FOXN3: variants seen among roughly 807,000 people sequenced by gnomAD.
FOXN3 encodes forkhead box protein N3.
Under a neutral mutation model 38.4 loss-of-function variants are expected in FOXN3, and 7 were observed. The observed-to-expected ratio is 0.18, with a 90% CI of 0.10 to 0.34. The LOEUF (loss-of-function observed/expected upper bound fraction) is 0.34. FOXN3 is among the 10% of genes least tolerant of loss of function. The pLI is 1.00. For synonymous variants in FOXN3, 230 were observed against 242.2 expected (o/e 0.95, Z 0.47); for missense variants, 456 against 613.4 (o/e 0.74, Z 2.71).
chr14:89,288,724 C>CTCTCTACA (rs1886755787), intron 3 of FOXN3, among the ~76,000 whole-genome samples: 1 of 42,780 alleles, frequency 2.3e-5, no homozygotes, highest in Non-Finnish European at 3.9e-5. Flanking sequence ...CTCTCTCTCT[C>CTCTCTACA]TATATATATA....
chr14:89,156,249 T>C lies in FOXN3; in HGVS notation c.*6165A>G, dbSNP rs1356675504. On this transcript the variant is annotated 3_prime_UTR_variant, in exon 6 of 6. Coordinates refer to ENST00000557258, the MANE Select transcript of FOXN3 (RefSeq NM_005197.4). ...ACAATACATCACAGAAACTTTATGG[T>C]AGGTCTGGGGAAAAGTGTTATTTAC... The C allele has an allele frequency of 6.6e-6, 1 of 152,654 alleles. No individual in the cohort carries two copies. Among genetic ancestry groups the C allele is most frequent in the Non-Finnish European group, 1.5e-5 (1 of 68,044 alleles). The allele number at this position is 152,654 out of a possible 1,614,324, so 9.5% of individuals were successfully genotyped here.
At chr14:89,390,088 T>C (rs1890896662) in intron 2 of FOXN3, among the ~76,000 whole-genome samples, 1 of 151,488 alleles carries the variant, frequency 6.6e-6, no homozygotes, top group African/African-American at 2.4e-5. Context: ...TAGCCAGGCA[T>C]AGTGACACAA....
intron 1 of FOXN3, among the ~76,000 whole-genome samples, chr14:89,615,920 T>C (rs776812801): frequency 6.6e-6 from 1 of 152,172 alleles, no homozygotes; most frequent in African/African-American, 2.4e-5. Context: ...ATAAGGGAAA[T>C]TTGCTGCTTT....
intron 1 of FOXN3, among the ~76,000 whole-genome samples, chr14:89,502,366 T>A (rs754776466): frequency 1.6e-4 from 24 of 152,102 alleles, no homozygotes; most frequent in South Asian, 2.1e-4. Flanking sequence ...TATTTTATTT[T>A]AAAAAAAATA....
chr14:89,396,490 T>TGG (rs1891101960), intron 2 of FOXN3, among the ~76,000 whole-genome samples: 1 of 152,176 alleles, frequency 6.6e-6, no homozygotes, highest in East Asian at 1.9e-4. Flanking sequence ...CAGAGTATGA[T>TGG]GGGGACCACA....
chr14:89,595,798 C>T (rs534144212), intron 1 of FOXN3, among the ~76,000 whole-genome samples: 3 of 152,270 alleles, frequency 2.0e-5, no homozygotes, highest in Non-Finnish European at 2.9e-5. Flanking sequence ...CAACATTTCA[C>T]GCATTAAGTA....
intron 3 of FOXN3, among the ~76,000 whole-genome samples, chr14:89,301,739 G>T (rs928907585): frequency 6.6e-6 from 1 of 152,100 alleles, no homozygotes; most frequent in Non-Finnish European, 1.5e-5. Context: ...CTGCACTCCA[G>T]CCTGGGCTAC....
chr14:89,345,487 C>T (rs1333425941), intron 3 of FOXN3, among the ~76,000 whole-genome samples: 1 of 152,060 alleles, frequency 6.6e-6, no homozygotes, highest in Admixed American at 6.6e-5. Flanking sequence ...TGGTATACTA[C>T]TATTTTTTTA....
At chr14:89,257,160 T>A (rs184161084) in intron 4 of FOXN3, among the ~76,000 whole-genome samples, 31 of 152,056 alleles carry the variant, frequency 2.0e-4, no homozygotes, top group Non-Finnish European at 3.8e-4. Context: ...CATCAACAAC[T>A]CATATGGACA....
intron 2 of FOXN3, among the ~76,000 whole-genome samples, chr14:89,381,676 T>C (rs988301800): frequency 1.3e-5 from 2 of 151,230 alleles, no homozygotes; most frequent in Non-Finnish European, 2.9e-5. Context: ...CTGTGCAACA[T>C]AGAAGACCCC....
chr14:89,600,080 A>G lies in FOXN3; in HGVS notation c.-15+18948T>C, dbSNP rs114973290. ...CCCTGATGGCTCTCCAATTTTTCCA[A>G]ACTGACTTTTTTTCTTTTTAATTTT... On this transcript the variant is annotated intron_variant, in intron 1 of 6. Coordinates refer to the FOXN3 transcript ENST00000345097. 9.1e-3 allele frequency among the ~76,000 whole-genome samples: 1,392 copies of G among 152,258 alleles called. 16 individuals are homozygous for G. The highest frequency in any genetic ancestry group is 0.032 in the African/African-American group (1,312 of 41,530).
intron 1 of FOXN3, among the ~76,000 whole-genome samples, chr14:89,545,988 TCA>T (rs1346619325): frequency 3.9e-5 from 6 of 152,382 alleles, no homozygotes; most frequent in Non-Finnish European, 8.8e-5. Context: ...AGGTTCTTAT[TCA>T]CAGAGTTAAA....
intron 3 of FOXN3, among the ~76,000 whole-genome samples, chr14:89,294,796 T>C (rs1886985540): frequency 6.6e-6 from 1 of 152,176 alleles, no homozygotes; most frequent in South Asian, 2.1e-4. Flanking sequence ...GTTTAGCATA[T>C]CATCAAGAAA....
At chr14:89,480,863 A>G (rs1039402378) in intron 1 of FOXN3, among the ~76,000 whole-genome samples, 2 of 152,124 alleles carry the variant, frequency 1.3e-5, no homozygotes, top group Non-Finnish European at 2.9e-5. Context: ...TTTAGAAACC[A>G]TATGTATAAT....
At chr14:89,186,481 C>T (rs372762492) in intron 4 of FOXN3, among the ~76,000 whole-genome samples, 68 of 152,148 alleles carry the variant, frequency 4.5e-4, no homozygotes, top group African/African-American at 1.5e-3. Context: ...ACGGGAACTG[C>T]AAAGCAGGTA....
At chr14:89,616,696 G>C (rs1267989140) in intron 1 of FOXN3, among the ~76,000 whole-genome samples, 2 of 152,188 alleles carry the variant, frequency 1.3e-5, no homozygotes, top group Non-Finnish European at 2.9e-5. Flanking sequence ...TCTCAAAAGA[G>C]TTTTGTTCTA....
At chr14:89,286,474 A>G (rs1352761444) in intron 3 of FOXN3, among the ~76,000 whole-genome samples, 1 of 152,170 alleles carries the variant, frequency 6.6e-6, no homozygotes, top group Non-Finnish European at 1.5e-5. Context: ...ACTACTCTTA[A>G]GCAACCGAGC....
intron 2 of FOXN3, among the ~76,000 whole-genome samples, chr14:89,397,493 G>T (rs1891131589): frequency 6.9e-6 from 1 of 145,710 alleles, no homozygotes; most frequent in African/African-American, 2.5e-5. Flanking sequence ...GGCTCTGCAA[G>T]AACCTCTAGG....
At chr14:89,553,238 CAAAA>C (rs146581490) in intron 1 of FOXN3, among the ~76,000 whole-genome samples, 23 of 79,026 alleles carry the variant, frequency 2.9e-4, no homozygotes, top group African/African-American at 8.3e-4. Flanking sequence ...GACCCTGTCC[CAAAA>C]AAAAAAAAAA....
Sources: allele counts gnomAD v4.1 joint callset (sites outside exome capture counted in the v4.1 genomes callset), GRCh38; gene constraint gnomAD v4.1.1; transcripts MANE v1.5; gene names NCBI Gene and HGNC (gene_info 2026-07-23, HGNC 2026-07-21).